PDZD2: variants seen among roughly 807,000 people sequenced by gnomAD.
PDZD2 encodes the protein PDZ domain-containing protein 2.
Under a neutral mutation model 220.7 loss-of-function variants are expected in PDZD2, and 90 were observed. The observed-to-expected ratio is 0.41, with a 90% confidence interval of 0.34 to 0.49. PDZD2 has a LOEUF of 0.49. Among genes scored for constraint, PDZD2 ranks in the 20% least tolerant of loss-of-function variants. The probability of loss-of-function intolerance (pLI) is 0.28; values close to 1 mark genes in which losing one functional copy is unlikely to be tolerated. For synonymous variants in PDZD2, 1,375 were observed against 1,450.5 expected, an observed-to-expected ratio of 0.95 and a Z score of 1.18; for missense variants, 3,174 against 3,608.5, an observed-to-expected ratio of 0.88 and a Z score of 3.08.
At chr5:31,957,904 T>G (rs998230332) in intron 2 of PDZD2, among the ~76,000 whole-genome samples, 4 of 152,208 alleles carry the variant, frequency 2.6e-5, no homozygotes, top group Non-Finnish European at 1.5e-5. Flanking sequence ...ATCCTTGCAG[T>G]ATATACATTG....
At chr5:31,870,113 CTT>C in intron 2 of PDZD2, among the ~76,000 whole-genome samples, 1 of 152,298 alleles carries the variant, frequency 6.6e-6, no homozygotes, top group Non-Finnish European at 1.5e-5. Context: ...GGACCCAACA[CTT>C]TGGATTCCTC....
At chr5:31,656,508 T>A (rs2150109561) in intron 1 of PDZD2, among the ~76,000 whole-genome samples, 1 of 152,296 alleles carries the variant, frequency 6.6e-6, no homozygotes, top group South Asian at 2.1e-4. Flanking sequence ...GGGATGTTGA[T>A]GGATTGGTTC....
intron 2 of PDZD2, among the ~76,000 whole-genome samples, chr5:31,978,150 A>G (rs575340120): frequency 2.6e-5 from 4 of 152,232 alleles, no homozygotes; most frequent in Non-Finnish European, 4.4e-5. Context: ...AAATTAAAAA[A>G]ATATGTGATG....
At chr5:32,104,214 C>T (rs1459813024) in intron 24 of PDZD2, among the ~76,000 whole-genome samples, 2 of 152,054 alleles carry the variant, frequency 1.3e-5, no homozygotes, top group African/African-American at 4.8e-5. Context: ...CACCTTATCT[C>T]GTATTTCATA....
At chr5:32,084,148 G>A (rs1192969525) in intron 19 of PDZD2, among the ~76,000 whole-genome samples, 1 of 152,238 alleles carries the variant, frequency 6.6e-6, no homozygotes, top group Non-Finnish European at 1.5e-5. Flanking sequence ...ACGTGGCTTT[G>A]AGTCTTGGCA....
At chr5:31,790,006 C>T (rs1312742399) in intron 1 of PDZD2, among the ~76,000 whole-genome samples, 2 of 152,194 alleles carry the variant, frequency 1.3e-5, no homozygotes, top group Admixed American at 6.5e-5. Flanking sequence ...TCCTTCTGGC[C>T]AAGAATAGCA....
intron 7 of PDZD2, among the ~76,000 whole-genome samples, chr5:32,039,451 G>T (rs191709796): frequency 1.3e-5 from 2 of 149,860 alleles, no homozygotes; most frequent in Non-Finnish European, 2.9e-5. Context: ...ATCTCAGCTC[G>T]CTACAACCTC....
intron 1 of PDZD2, among the ~76,000 whole-genome samples, chr5:31,666,115 G>A (rs1745977213): frequency 6.6e-6 from 1 of 152,162 alleles, no homozygotes; most frequent in South Asian, 2.1e-4. Flanking sequence ...GGGAATAAAT[G>A]GTACAAATTT....
At chr5:32,074,715 T>C in intron 18 of PDZD2, 72 bp downstream of exon 18, 1 of 1,012,086 alleles carries the variant, frequency 9.9e-7, no homozygotes, top group Non-Finnish European at 1.4e-6. Flanking sequence ...GAGTCTGTTG[T>C]AAAGCATGGG....
At chr5:31,936,978 G>T (rs1007703233) in intron 2 of PDZD2, among the ~76,000 whole-genome samples, 4 of 152,164 alleles carry the variant, frequency 2.6e-5, no homozygotes, top group African/African-American at 9.7e-5. Context: ...GAGTGCAGAG[G>T]GTTGGAAACT....
At chr5:31,982,135 A>G (rs889862271) in intron 2 of PDZD2, among the ~76,000 whole-genome samples, 8 of 152,052 alleles carry the variant, frequency 5.3e-5, no homozygotes, top group African/African-American at 1.4e-4. Flanking sequence ...TTCTTTGTCT[A>G]TGTGTTTTCC....
At chr5:32,039,997 TGAG>T (rs1755920328) in intron 7 of PDZD2, among the ~76,000 whole-genome samples, 1 of 137,310 alleles carries the variant, frequency 7.3e-6, no homozygotes, top group Non-Finnish European at 1.5e-5. Context: ...ATCTGGGAAA[TGAG>T]GAGCGCCTCT....
At chr5:31,960,013 G>A (rs930523333) in intron 2 of PDZD2, among the ~76,000 whole-genome samples, 6 of 151,990 alleles carry the variant, frequency 3.9e-5, no homozygotes, top group Non-Finnish European at 7.4e-5. Context: ...CACACTCATT[G>A]GATTTAGGGG....
chr5:32,017,109 G>C (rs1474978159), intron 6 of PDZD2, among the ~76,000 whole-genome samples: 2 of 152,122 alleles, frequency 1.3e-5, no homozygotes, highest in Non-Finnish European at 2.9e-5. Context: ...AGCTTTGGTC[G>C]CCTTCCACTG....
chr5:32,042,340 T>C (rs1383075386), intron 7 of PDZD2, among the ~76,000 whole-genome samples: 1 of 148,048 alleles, frequency 6.8e-6, no homozygotes, highest in Non-Finnish European at 1.5e-5. Flanking sequence ...GGCGGGTGGA[T>C]CACCTGAGGT....
intron 1 of PDZD2, among the ~76,000 whole-genome samples, chr5:31,783,680 C>T (rs1259975699): frequency 2.6e-5 from 4 of 152,024 alleles, no homozygotes; most frequent in Non-Finnish European, 5.9e-5. Context: ...AGATCGGCAG[C>T]GTGCCTGAGA....
intron 5 of PDZD2, among the ~76,000 whole-genome samples, chr5:32,001,144 T>C (rs1298556795): frequency 2.6e-5 from 4 of 152,164 alleles, no homozygotes; most frequent in Non-Finnish European, 5.9e-5. Flanking sequence ...TTGTCTTCCA[T>C]GAAACTGGTC....
intron 2 of PDZD2, among the ~76,000 whole-genome samples, chr5:31,929,327 G>A (rs553094659): frequency 2.6e-5 from 4 of 152,210 alleles, no homozygotes; most frequent in Non-Finnish European, 5.9e-5. Flanking sequence ...CTAAGAACCT[G>A]TGTCATGCTG....
rs71614289 is a variant in PDZD2, at chr5:31,870,888, C to CAA, written c.476+71180_476+71181dup. ...TATGCGACAGATCGAGACTCTGTCT[C>CAA]AAAAAAAAAAAAAAAAAGGAACAAG... is the stretch of plus-strand genomic sequence containing the variant. On this transcript the variant is annotated intron_variant, in intron 2 of 24. Coordinates refer to ENST00000438447, the MANE Select transcript of PDZD2 (RefSeq NM_178140.4). Among the ~76,000 whole-genome samples, 168 of 64,468 alleles carry CAA rather than the reference C, an allele frequency of 2.6e-3. 1 individual carries two copies. The highest frequency in any genetic ancestry group is 8.0e-3 in the African/African-American group (159 of 19,824). 42.3% of individuals were successfully genotyped at this position (64,468 alleles called of 152,430 possible). A position where few individuals can be genotyped will look rare whatever the true frequency, so the allele number is the denominator to read the frequency against.
Sources: gnomAD v4.1 joint callset for allele counts (sites outside exome capture counted in the v4.1 genomes callset) on GRCh38, gnomAD v4.1.1 for gene constraint, MANE v1.5 for transcripts, NCBI Gene and HGNC (gene_info 2026-07-23, HGNC 2026-07-21) for gene names.